SAMMSON: variants seen among roughly 807,000 people sequenced by gnomAD.
The protein encoded by SAMMSON is long intergenic non-protein coding RNA 1212.
At chr3:70,319,030 G>T (rs1276740566) in intron 7 of SAMMSON, among the ~76,000 whole-genome samples, 1 of 152,096 alleles carries the variant, frequency 6.6e-6, no homozygotes, top group East Asian at 1.9e-4. Flanking sequence ...TATGTTCAGT[G>T]CTCAGTCTCA....
At chr3:70,417,579 T>C (rs767448634) in intron 2 of SAMMSON, among the ~76,000 whole-genome samples, 9 of 152,308 alleles carry the variant, frequency 5.9e-5, no homozygotes, top group South Asian at 2.1e-4. Flanking sequence ...ACTTCAGACA[T>C]AGGTGGATCC....
intron 4 of SAMMSON, chr3:70,249,019 A>G (rs1701734448): frequency 6.6e-6 from 1 of 152,162 alleles, no homozygotes; most frequent in South Asian, 2.1e-4. Flanking sequence ...CAGAGATATT[A>G]TCGTAAGTTC....
chr3:70,046,426 T>G (rs778314353), intron 3 of SAMMSON, among the ~76,000 whole-genome samples: 1 of 152,122 alleles, frequency 6.6e-6, no homozygotes, highest in Non-Finnish European at 1.5e-5. Context: ...TTTGGAAGAT[T>G]TGCAATGCGG....
intron 6 of SAMMSON, among the ~76,000 whole-genome samples, chr3:70,250,138 T>A (rs1425804771): frequency 6.6e-6 from 1 of 152,188 alleles, no homozygotes; most frequent in African/African-American, 2.4e-5. Flanking sequence ...AGCCTGTTGC[T>A]AGTTATTCTT....
intron 4 of SAMMSON, among the ~76,000 whole-genome samples, chr3:70,085,747 G>A (rs2067283186): frequency 6.6e-6 from 1 of 152,142 alleles, no homozygotes; most frequent in South Asian, 2.1e-4. Context: ...TATAGTGTCA[G>A]CTTCTTACAA....
intron 6 of SAMMSON, among the ~76,000 whole-genome samples, chr3:70,258,298 A>C (rs1033162609): frequency 6.6e-6 from 1 of 152,184 alleles, no homozygotes; most frequent in African/African-American, 2.4e-5. Flanking sequence ...GGCTTTCATC[A>C]AAATTATAAA....
intron 4 of SAMMSON, chr3:70,094,608 C>T (rs1559789882): frequency 6.6e-6 from 1 of 152,180 alleles, no homozygotes; most frequent in South Asian, 2.1e-4. Flanking sequence ...TTGCTATTCT[C>T]ACAGCCTGGA....
intron 4 of SAMMSON, among the ~76,000 whole-genome samples, chr3:70,177,965 A>G (rs1172512573): frequency 6.6e-6 from 1 of 152,190 alleles, no homozygotes; most frequent in Non-Finnish European, 1.5e-5. Context: ...GATGTTCTCT[A>G]TATGTACTTG....
intron 8 of SAMMSON, chr3:70,358,121 A>T (rs1485648207): frequency 3.9e-5 from 6 of 152,170 alleles, no homozygotes; most frequent in Non-Finnish European, 8.8e-5. Context: ...AAAATAAAGT[A>T]TATTGACTTA....
intron 7 of SAMMSON, among the ~76,000 whole-genome samples, chr3:70,316,177 A>G (rs116369557): frequency 9.9e-4 from 151 of 152,274 alleles, no homozygotes; most frequent in African/African-American, 3.5e-3. Context: ...AATCTGCAAG[A>G]TTATCACACA....
chr3:70,092,916 GT>G (rs1410136428), intron 4 of SAMMSON, among the ~76,000 whole-genome samples: 3 of 105,280 alleles, frequency 2.8e-5, no homozygotes, highest in Admixed American at 2.1e-4. Context: ...TTTTTTTTTT[GT>G]TTTTTTTTTC....
chr3:70,122,253 TG>T (rs1264216206), intron 4 of SAMMSON, among the ~76,000 whole-genome samples: 18 of 152,322 alleles, frequency 1.2e-4, no homozygotes, highest in Admixed American at 1.2e-3. Context: ...AGTGTAGTGG[TG>T]TGAGCCTGGC....
chr3:70,172,175 A>T (rs540815518), intron 4 of SAMMSON: 1 of 151,846 alleles, frequency 6.6e-6, no homozygotes, highest in African/African-American at 2.4e-5. Flanking sequence ...GCCTTTATTC[A>T]ATTGGTAACC....
At chr3:70,059,108 T>G (rs899779941) in intron 3 of SAMMSON, among the ~76,000 whole-genome samples, 1 of 152,108 alleles carries the variant, frequency 6.6e-6, no homozygotes, top group African/African-American at 2.4e-5. Flanking sequence ...GACCCCAGAC[T>G]TGTAGGATGA....
chr3:70,333,873 G>T (rs1306749892), intron 7 of SAMMSON, among the ~76,000 whole-genome samples: 6 of 152,166 alleles, frequency 3.9e-5, no homozygotes, highest in Admixed American at 1.3e-4. Context: ...TGTTAAGTAC[G>T]TGAGAGAAAT....
intron 7 of SAMMSON, among the ~76,000 whole-genome samples, chr3:70,314,872 G>C (rs532593205): frequency 1.3e-5 from 2 of 152,006 alleles, no homozygotes; most frequent in Non-Finnish European, 2.9e-5. Flanking sequence ...GGCTTTCTAA[G>C]GTTCTGTGTT....
At chr3:70,318,040 G>GT (rs532920073) in intron 7 of SAMMSON, among the ~76,000 whole-genome samples, 98 of 151,504 alleles carry the variant, frequency 6.5e-4, no homozygotes, top group African/African-American at 2.3e-3. Context: ...CTCTTTCACT[G>GT]TTTTTTCTTT....
intron 4 of SAMMSON, among the ~76,000 whole-genome samples, chr3:70,230,505 T>C (rs1314636624): frequency 1.3e-5 from 2 of 152,140 alleles, no homozygotes; most frequent in Admixed American, 1.3e-4. Flanking sequence ...GAATCATATA[T>C]ATATATATAC....
chr3:70,236,136 G>C (rs1413212331), intron 4 of SAMMSON, among the ~76,000 whole-genome samples: 1 of 152,108 alleles, frequency 6.6e-6, no homozygotes, highest in Non-Finnish European at 1.5e-5. Context: ...ATGACCTGTT[G>C]ACCTTATTCA....
Sources: gnomAD v4.1 joint callset for allele counts (sites outside exome capture counted in the v4.1 genomes callset) on GRCh38, gnomAD v4.1.1 for gene constraint, MANE v1.5 for transcripts, NCBI Gene and HGNC (gene_info 2026-07-23, HGNC 2026-07-21) for gene names.